The following COL23A1 variants were observed in gnomAD, a reference collection of about 807,000 sequenced individuals.
COL23A1 encodes collagen alpha-1(XXIII) chain.
A neutral mutation model predicts 99.3 loss-of-function variants in COL23A1; 97 were observed. The ratio of observed to expected loss-of-function variants is 0.98; its 90% CI spans 0.83 to 1.16. COL23A1 has a LOEUF of 1.16. Among genes scored for constraint, COL23A1 ranks in the 50% most tolerant of loss-of-function variants. The probability of loss-of-function intolerance (pLI) is 0.00; values close to 1 mark genes in which losing one functional copy is unlikely to be tolerated. For synonymous variants in COL23A1, 320 were observed against 308.2 expected, an observed-to-expected ratio of 1.04 and a Z score of -0.40; for missense variants, 762 against 757.4, an observed-to-expected ratio of 1.01 and a Z score of -0.07.
At chr5:178,572,788 T>C (rs762742376) in intron 1 of COL23A1, among the ~76,000 whole-genome samples, 1 of 152,198 alleles carries the variant, frequency 6.6e-6, no homozygotes, top group Non-Finnish European at 1.5e-5. Context: ...CTTCCATCAA[T>C]AGCTGAATGG....
At chr5:178,471,414 T>C (rs2127933273) in intron 2 of COL23A1, among the ~76,000 whole-genome samples, 1 of 152,240 alleles carries the variant, frequency 6.6e-6, no homozygotes, top group East Asian at 1.9e-4. Flanking sequence ...AATTTTTGTA[T>C]TTTTAGTAGA....
At chr5:178,517,873 CTTTTTTTTTTT>C (rs71577021) in intron 2 of COL23A1, among the ~76,000 whole-genome samples, 38,624 of 98,396 alleles carry the variant, frequency 0.39, 7,124 homozygotes, top group Admixed American at 0.51. Flanking sequence ...AACAGCGGTT[CTTTTTTTTTTT>C]TTTTTTTTTT....
At chr5:178,287,567 C>T (rs963800678) in intron 5 of COL23A1, among the ~76,000 whole-genome samples, 3 of 152,198 alleles carry the variant, frequency 2.0e-5, no homozygotes, top group African/African-American at 7.2e-5. Flanking sequence ...CGGGGACCAC[C>T]GCTCTCTATC....
At chr5:178,335,424 C>T (rs2973675) in intron 2 of COL23A1, among the ~76,000 whole-genome samples, 72,464 of 151,952 alleles carry the variant, frequency 0.48, 18,184 homozygotes, top group East Asian at 0.81. Context: ...GGTCCCCCTG[C>T]GCCGGGAGAA....
At chr5:178,275,358 G>A (rs1756525405) in intron 5 of COL23A1, among the ~76,000 whole-genome samples, 1 of 152,216 alleles carries the variant, frequency 6.6e-6, no homozygotes. Flanking sequence ...GCAGGACCCT[G>A]GACGGTGCCG....
At chr5:178,574,624 T>A (rs893185625) in intron 1 of COL23A1, among the ~76,000 whole-genome samples, 3 of 152,156 alleles carry the variant, frequency 2.0e-5, no homozygotes, top group Non-Finnish European at 4.4e-5. Flanking sequence ...ATACATTGTT[T>A]CCCCACAAAT....
chr5:178,512,642 A>G (rs963750808), intron 2 of COL23A1, among the ~76,000 whole-genome samples: 4 of 152,244 alleles, frequency 2.6e-5, no homozygotes, highest in Admixed American at 2.6e-4. Context: ...ACTGTGTCCC[A>G]GCTCAGAGAG....
At chr5:178,287,913 G>A (rs1757243476) in intron 5 of COL23A1, among the ~76,000 whole-genome samples, 1 of 152,240 alleles carries the variant, frequency 6.6e-6, no homozygotes, top group Non-Finnish European at 1.5e-5. Context: ...TGACACCACA[G>A]CCAAACTGGA....
rs1764204795 is a variant in COL23A1 at position 178,590,260 on chromosome 5, G to T, written c.-63C>A. On this transcript the variant is annotated 5_prime_UTR_variant, in exon 1 of 29. Transcript: ENST00000390654. This position sits in a 1 kb window ranked among gnomAD's most constrained non-coding sequence, Gnocchi z 5.7. ...TGCTGCTGGGGCAGAGGCTGGGTGC[G>T]AGAGGAGCAGGCGGGACAGCCCGAG... 1.7e-6 allele frequency: 2 copies of T among 1,183,106 alleles called. No individual in the cohort carries two copies. Among genetic ancestry groups the T allele is most frequent in the Non-Finnish European group, 1.0e-6 (1 of 953,384 alleles). The allele number at this position is 1,183,106 out of a possible 1,614,324, so 73.3% of individuals were successfully genotyped here. A position where few individuals can be genotyped will look rare whatever the true frequency, so the allele number is the denominator to read the frequency against.
chr5:178,475,270 C>T (rs1756968787), intron 2 of COL23A1, among the ~76,000 whole-genome samples: 1 of 152,110 alleles, frequency 6.6e-6, no homozygotes, highest in Admixed American at 6.5e-5. Context: ...TAACACATAA[C>T]ATGTGTTTTG....
At chr5:178,413,605 G>A (rs1474476775) in intron 2 of COL23A1, among the ~76,000 whole-genome samples, 2 of 152,200 alleles carry the variant, frequency 1.3e-5, no homozygotes, top group Admixed American at 1.3e-4. Flanking sequence ...AAGACAGACA[G>A]CTGATCAAGT....
chr5:178,385,899 T>C (rs569858469), intron 2 of COL23A1, among the ~76,000 whole-genome samples: 9 of 152,284 alleles, frequency 5.9e-5, no homozygotes, highest in South Asian at 2.1e-4. Context: ...TGGGATTTCA[T>C]ACAATATTTC....
chr5:178,518,447 G>A (rs1267379014), intron 2 of COL23A1, among the ~76,000 whole-genome samples: 24 of 148,732 alleles, frequency 1.6e-4, no homozygotes, highest in Admixed American at 9.3e-4. Context: ...CGGGCAGAGG[G>A]GCTCCTCACT....
intron 2 of COL23A1, among the ~76,000 whole-genome samples, chr5:178,554,201 T>C (rs1409273865): frequency 2.0e-5 from 3 of 151,826 alleles, no homozygotes; most frequent in Non-Finnish European, 2.9e-5. Context: ...TTCTTTGAGA[T>C]GGAGTCTCGC....
chr5:178,526,335 C>T (rs1333275328), intron 2 of COL23A1, among the ~76,000 whole-genome samples: 1 of 152,238 alleles, frequency 6.6e-6, no homozygotes, highest in Non-Finnish European at 1.5e-5. Context: ...CCCACACCCT[C>T]TCAGTTACAG....
At chr5:178,577,598 A>G (rs2113698211) in intron 1 of COL23A1, among the ~76,000 whole-genome samples, 1 of 152,292 alleles carries the variant, frequency 6.6e-6, no homozygotes, top group African/African-American at 2.4e-5. Flanking sequence ...GGGCCCTCCC[A>G]GAACCCGCGC....
At chr5:178,241,252 C>T (rs1013382718) in intron 27 of COL23A1, among the ~76,000 whole-genome samples, 5 of 152,020 alleles carry the variant, frequency 3.3e-5, no homozygotes, top group Admixed American at 2.0e-4. Context: ...GACTTTTGAA[C>T]TGTGGTTGTT....
At chr5:178,481,516 C>T (rs1338062564) in intron 2 of COL23A1, among the ~76,000 whole-genome samples, 2 of 151,928 alleles carry the variant, frequency 1.3e-5, no homozygotes, top group Non-Finnish European at 2.9e-5. Flanking sequence ...AACTCAATAA[C>T]AAAAACAAAA....
At chr5:178,554,914 A>C (rs1762187260) in intron 2 of COL23A1, among the ~76,000 whole-genome samples, 1 of 152,196 alleles carries the variant, frequency 6.6e-6, no homozygotes, top group African/African-American at 2.4e-5. Flanking sequence ...TAAACACAAC[A>C]ACCATCCCCT....
Sources: gnomAD v4.1 joint callset for allele counts (sites outside exome capture counted in the v4.1 genomes callset) on GRCh38, gnomAD v4.1.1 for gene constraint, Gnocchi (gnomAD v3.1) non-coding constraint, MANE v1.5 for transcripts, NCBI Gene and HGNC (gene_info 2026-07-23, HGNC 2026-07-21) for gene names.